The following HMCN2 variants were observed in gnomAD, a reference collection of about 807,000 sequenced individuals.
HMCN2 encodes hemicentin-2.
A neutral mutation model predicts 377.5 loss-of-function variants in HMCN2; 325 were observed. The ratio of observed to expected loss-of-function variants is 0.86; its 90% confidence interval spans 0.79 to 0.94. HMCN2 has a LOEUF of 0.94. Among genes scored for constraint, HMCN2 ranks in the 40% least tolerant of loss-of-function variants. The probability of loss-of-function intolerance (pLI) is 0.00; values close to 1 mark genes in which losing one functional copy is unlikely to be tolerated. For missense variants in HMCN2, 4,543 were observed against 4,725.3 expected, an observed-to-expected ratio of 0.96 and a Z score of 1.13; for synonymous variants, 2,007 against 2,046.8, an observed-to-expected ratio of 0.98 and a Z score of 0.53.
Position 130,365,620 on chromosome 9 carries a change from C to G in HMCN2, c.6409-11C>G. On this transcript the variant is annotated splice_polypyrimidine_tract_variant and intron_variant, in intron 41 of 97. Coordinates refer to ENST00000683500, the MANE Select transcript of HMCN2 (RefSeq NM_001291815.2). The stretch of plus-strand genomic sequence containing the variant: ...CGTCCCCTCCCATGGGGTGTCTTTG[C>G]TCTCTGCCAGGTGGACAGAGCCGAT... 1.0e-6 allele frequency: 1 copy of G among 985,102 alleles called. No homozygotes were observed. Among genetic ancestry groups the G allele is most frequent in the Non-Finnish European group, 1.2e-6 (1 of 829,204 alleles). 61.0% of individuals were successfully genotyped at this position (985,102 alleles called of 1,614,324 possible). A position where few individuals can be genotyped will look rare whatever the true frequency, so the allele number is the denominator to read the frequency against.
rs1252049553 is a variant in HMCN2, at chr9:130,277,919, CCAT to C, written c.260-6672_260-6670del. Among the ~76,000 whole-genome samples the C allele has an allele frequency of 3.2e-4, 10 of 30,986 alleles. 3 individuals are homozygous for C. Among genetic ancestry groups the C allele is most frequent in the Admixed American group, 7.2e-4 (2 of 2,760 alleles). 20.3% of individuals were successfully genotyped at this position (30,986 alleles called of 152,430 possible). A position where few individuals can be genotyped will look rare whatever the true frequency, so the allele number is the denominator to read the frequency against. On this transcript the variant is annotated intron_variant, in intron 1 of 97. Coordinates refer to ENST00000683500, the MANE Select transcript of HMCN2 (RefSeq NM_001291815.2). ...ACCACCATCATCATCACCACCACCA[CCAT>C]CATCATCATCACCACCACCATCATC...
In HMCN2 at chr9:130,402,803, G is replaced by A. The variant is rs561629937; in HGVS notation, c.11785G>A (p.Gly3929Arg). 96 of 1,289,706 alleles carry A rather than the reference G, an allele frequency of 7.4e-5. No individual in the cohort carries two copies. The Middle Eastern group carries it at 8.5e-4, about 11-fold the overall frequency. The allele number at this position is 1,289,706 out of a possible 1,614,324, so 79.9% of individuals were successfully genotyped here. Reference sequence around the variant, plus strand: ...CCCACCAACAGGCGCCCTGGAGATCGGGCAGGCCCTCCCCATCCACGCAGG... The same window carrying A: ...CCCACCAACAGGCGCCCTGGAGATCAGGCAGGCCCTCCCCATCCACGCAGG... ...RVSPSGALEI[G>R]QALPIHAGRY... is the part of the protein sequence containing the mutation. Residue 3929 changes from glycine (G) to arginine (R), a missense_variant, in exon 78 of 98, where the codon GGG (glycine) becomes AGG (arginine). By Grantham distance (125) the Gly-to-Arg change is moderately radical. Around this residue, in one of 5 missense-constraint regions of HMCN2, gnomAD observed 1,073 missense variants for 1,319.5 expected, o/e 0.81. Coordinates refer to ENST00000683500, the MANE Select transcript of HMCN2 (RefSeq NM_001291815.2).
intron 25 of HMCN2, among the ~76,000 whole-genome samples, chr9:130,346,125 G>T (rs1839379891): frequency 6.6e-6 from 1 of 152,126 alleles, no homozygotes; most frequent in Non-Finnish European, 1.5e-5. Flanking sequence ...ATCTGCAAGT[G>T]TGGGGACCCC....
At chr9:130,395,697 G>A (rs1336899805) in intron 71 of HMCN2, among the ~76,000 whole-genome samples, 1 of 152,156 alleles carries the variant, frequency 6.6e-6, no homozygotes, top group African/African-American at 2.4e-5. Context: ...ATTCAGGGTT[G>A]TGGATGTTCT....
At chr9:130,286,165 C>T (rs1835401194) in intron 3 of HMCN2, 23 bp from the exon 4 acceptor site, 1 of 470,016 alleles carries the variant, frequency 2.1e-6, no homozygotes, top group South Asian at 1.6e-5. Flanking sequence ...AAGTCGAGAG[C>T]AGGCTGCACG....
Position 130,394,554 on chromosome 9 carries a change from G to C in HMCN2, c.10671G>C (p.Val3557=), listed in dbSNP as rs1029527429. Residue 3557 remains valine (V), a synonymous_variant, in exon 69 of 98, where the codon GTG becomes GTC. Transcript: ENST00000683500. This position sits in a 1 kb window ranked among gnomAD's most constrained non-coding sequence, Gnocchi z 5.1. ...RLENNSRATR[V]LRVENVQVRD... Reference sequence around the variant, plus strand: ...AGAACAACAGCAGAGCCACACGGGTGCTCCGGGTGGAGAATGTGCAGGTAC... The same window carrying C: ...AGAACAACAGCAGAGCCACACGGGTCCTCCGGGTGGAGAATGTGCAGGTAC... 1.0e-5 allele frequency: 13 copies of C among 1,288,330 alleles called. No homozygotes were observed. Among genetic ancestry groups the C allele is most frequent in the Non-Finnish European group, 1.3e-5 (13 of 988,292 alleles). 79.8% of individuals were successfully genotyped at this position (1,288,330 alleles called of 1,614,324 possible). A position where few individuals can be genotyped will look rare whatever the true frequency, so the allele number is the denominator to read the frequency against.
intron 24 of HMCN2, 25 bp from the exon 25 acceptor site, chr9:130,342,325 G>A (rs1321911104): frequency 4.6e-5 from 7 of 152,306 alleles, no homozygotes; most frequent in African/African-American, 1.7e-4. Flanking sequence ...CGAGGTAGGA[G>A]TGTGGCCATG....
intron 15 of HMCN2, among the ~76,000 whole-genome samples, chr9:130,311,839 C>T (rs1225621840): frequency 6.6e-6 from 1 of 152,018 alleles, no homozygotes; most frequent in Non-Finnish European, 1.5e-5. Flanking sequence ...TTGGGCTGTG[C>T]CCTGAGGGGG....
chr9:130,307,652 T>A (rs1836955731), intron 14 of HMCN2, 86 bp downstream of exon 14: 1 of 463,888 alleles, frequency 2.2e-6, no homozygotes, highest in Non-Finnish European at 4.5e-6. Context: ...GAATGTGGAG[T>A]CTGGGGAGAG....
intron 1 of HMCN2, among the ~76,000 whole-genome samples, chr9:130,283,519 C>T (rs1835255202): frequency 6.6e-6 from 1 of 150,380 alleles, no homozygotes; most frequent in African/African-American, 2.4e-5. Context: ...ACACTTTTGA[C>T]AAATGATACA....
intron 84 of HMCN2, 106 bp from the exon 85 acceptor site, chr9:130,410,465 G>T: frequency 9.8e-7 from 1 of 1,017,554 alleles, no homozygotes; most frequent in Non-Finnish European, 1.5e-6. Flanking sequence ...CTGGTTCACA[G>T]CCTAAGCCCC....
intron 70 of HMCN2, 25 bp downstream of exon 70, chr9:130,395,133 G>C: frequency 2.2e-6 from 1 of 453,792 alleles, no homozygotes; most frequent in South Asian, 1.7e-5. Flanking sequence ...TGGGGTGGGG[G>C]CAGGGCCGGG....
At chr9:130,320,745 T>C (rs1403359767) in intron 17 of HMCN2, 31 bp from the exon 18 acceptor site, 1 of 152,178 alleles carries the variant, frequency 6.6e-6, no homozygotes, top group East Asian at 1.9e-4. Context: ...AGGGCACCTA[T>C]TGTGGCTGAC....
At chr9:130,358,726 T>C (rs1287975806) in intron 36 of HMCN2, among the ~76,000 whole-genome samples, 1 of 151,202 alleles carries the variant, frequency 6.6e-6, no homozygotes, top group Non-Finnish European at 1.5e-5. Context: ...CAGGCTGGAG[T>C]GCAGTGGCAC....
intron 43 of HMCN2, among the ~76,000 whole-genome samples, chr9:130,367,941 CAA>C (rs10565235): frequency 1.3e-4 from 10 of 75,504 alleles, no homozygotes; most frequent in Non-Finnish European, 1.5e-4. Context: ...GACTCTGTCT[CAA>C]AAAAAAAAAA....
Position 130,400,635 on chromosome 9 carries a change from G to A in HMCN2, c.11606-148G>A. Reference sequence around the variant, plus strand: ...GTGCCCAGAAGGATGTGCTGAGTGGGCAAATGTGACTTCTCCCTCTGTTGC... The same window carrying A: ...GTGCCCAGAAGGATGTGCTGAGTGGACAAATGTGACTTCTCCCTCTGTTGC... On this transcript the variant is annotated intron_variant, in intron 76 of 97. Transcript: ENST00000683500. 1.4e-5 allele frequency: 5 copies of A among 366,264 alleles called. No homozygotes were observed. In the South Asian group the frequency reaches 1.4e-4, roughly 10 times the overall value. 22.7% of individuals were successfully genotyped at this position (366,264 alleles called of 1,614,324 possible). A position where few individuals can be genotyped will look rare whatever the true frequency, so the allele number is the denominator to read the frequency against.
chr9:130,410,752 A>C, intron 85 of HMCN2, 100 bp downstream of exon 85: 1 of 962,128 alleles, frequency 1.0e-6, no homozygotes, highest in Non-Finnish European at 1.6e-6. Context: ...TGGGACTTGG[A>C]ATTCTTTCAT....
chr9:130,382,248 C>T lies in HMCN2; in HGVS notation c.8496C>T (p.Ala2832=). The T allele has an allele frequency of 1.0e-6, 1 of 985,886 alleles. No individual in the cohort carries two copies. The highest frequency in any genetic ancestry group is 4.7e-5 in the South Asian group (1 of 21,288). The allele number at this position is 985,886 out of a possible 1,614,324, so 61.1% of individuals were successfully genotyped here. The change falls in exon 55 of 98, where the codon GCC becomes GCT. Residue 2832 remains alanine (A), a synonymous_variant. Transcript: ENST00000683500. The stretch of plus-strand genomic sequence containing the variant: ...ACGCCGGGAGGTACTCGTGCAAGGC[C>T]TCCAACGAGGTGGGCGAGGACTGGC... ...AENAGRYSCK[A]SNEVGEDWLH... is the part of the protein sequence containing the mutation.
In HMCN2 at chr9:130,377,734, G is replaced by A. The variant is rs946033266; in HGVS notation, c.8147G>A (p.Arg2716Gln). 55 of 985,788 alleles carry A rather than the reference G, an allele frequency of 5.6e-5. No individual in the cohort carries two copies. Among genetic ancestry groups the A allele is most frequent in the South Asian group, 9.4e-5 (2 of 21,294 alleles). The allele number at this position is 985,788 out of a possible 1,614,324, so 61.1% of individuals were successfully genotyped here. Residue 2716 changes from arginine to glutamine, a missense_variant, in exon 53 of 98, where the codon CGG becomes CAG. Coordinates refer to ENST00000683500, the MANE Select transcript of HMCN2 (RefSeq NM_001291815.2). Reference protein sequence around the residue: ...IQPTQVSDSGRYLCVATNVAG... With the variant: ...IQPTQVSDSGQYLCVATNVAG... ...CCCACACAGGTCTCAGACTCGGGGC[G>A]GTACCTGTGTGTGGCCACCAATGTG...
Sources: allele counts gnomAD v4.1 joint callset (sites outside exome capture counted in the v4.1 genomes callset), GRCh38; gene constraint gnomAD v4.1.1; regional missense constraint gnomAD v4.1.1; non-coding constraint Gnocchi (gnomAD v3.1); transcripts MANE v1.5; gene names NCBI Gene and HGNC (gene_info 2026-07-23, HGNC 2026-07-21).